KIAA1217: variants seen among roughly 807,000 people sequenced by gnomAD.
The protein encoded by KIAA1217 is sickle tail protein homolog.
A neutral mutation model predicts 163.9 loss-of-function variants in KIAA1217; 88 were observed. The observed-to-expected ratio is 0.54, with a 90% CI of 0.45 to 0.64. The LOEUF (loss-of-function observed/expected upper bound fraction) is 0.64, where lower values mean the gene tolerates loss of function less well. Among genes scored for constraint, KIAA1217 ranks in the 30% least tolerant of loss-of-function variants. The pLI, the probability that KIAA1217 is intolerant of heterozygous loss-of-function variation, is 0.00. For synonymous variants in KIAA1217, 903 were observed against 923.1 expected (o/e 0.98, Z 0.39); for missense variants, 2,372 against 2,475.0 (o/e 0.96, Z 0.88).
At chr10:24,463,123 G>A (rs2062593357) in intron 5 of KIAA1217, among the ~76,000 whole-genome samples, 2 of 152,190 alleles carry the variant, frequency 1.3e-5, no homozygotes, top group Admixed American at 6.5e-5. Context: ...GAACATGGGA[G>A]TAGCCCAGCA....
intron 1 of KIAA1217, among the ~76,000 whole-genome samples, chr10:23,830,578 A>G (rs953785136): frequency 4.0e-5 from 6 of 151,826 alleles, no homozygotes; most frequent in Admixed American, 3.3e-4. Flanking sequence ...CCTTGCAGGT[A>G]TGTGTGGCAT....
At chr10:24,277,873 T>A (rs1191374601) in intron 2 of KIAA1217, among the ~76,000 whole-genome samples, 4 of 152,248 alleles carry the variant, frequency 2.6e-5, no homozygotes, top group Non-Finnish European at 1.5e-5. Context: ...ACTCACCCTC[T>A]GACGGGCAAA....
chr10:23,872,213 C>A (rs908967407), intron 1 of KIAA1217, among the ~76,000 whole-genome samples: 1 of 151,982 alleles, frequency 6.6e-6, no homozygotes, highest in African/African-American at 2.4e-5. Context: ...AACGTCATCA[C>A]CTTGGCAAAG....
intron 3 of KIAA1217, among the ~76,000 whole-genome samples, chr10:24,429,557 C>T (rs538360580): frequency 1.4e-4 from 22 of 152,204 alleles, no homozygotes; most frequent in Non-Finnish European, 2.6e-4. Flanking sequence ...ATTGCGTCAA[C>T]TTTTTCTTCT....
chr10:23,830,464 G>A (rs149437347), intron 1 of KIAA1217, among the ~76,000 whole-genome samples: 163 of 152,188 alleles, frequency 1.1e-3, no homozygotes, highest in Non-Finnish European at 2.0e-3. Flanking sequence ...GGCCGTTGCT[G>A]TGATAAACAG....
intron 1 of KIAA1217, among the ~76,000 whole-genome samples, chr10:23,804,638 G>A (rs1292044262): frequency 6.6e-6 from 1 of 152,146 alleles, no homozygotes; most frequent in Non-Finnish European, 1.5e-5. Flanking sequence ...GTGCTGTGCT[G>A]GAGATATACA....
chr10:24,067,843 C>T (rs1048088792), intron 2 of KIAA1217, among the ~76,000 whole-genome samples: 9 of 152,294 alleles, frequency 5.9e-5, no homozygotes, highest in South Asian at 2.1e-4. Flanking sequence ...TGAGCAATGG[C>T]GGGTGCCCCT....
At chr10:24,202,085 G>T (rs2067292871) in intron 2 of KIAA1217, among the ~76,000 whole-genome samples, 2 of 152,230 alleles carry the variant, frequency 1.3e-5, no homozygotes, top group Admixed American at 1.3e-4. Flanking sequence ...TCCCGGGGGT[G>T]ACATGGAAAG....
intron 1 of KIAA1217, among the ~76,000 whole-genome samples, chr10:23,744,199 T>C (rs908097681): frequency 2.0e-5 from 3 of 152,160 alleles, no homozygotes; most frequent in African/African-American, 7.2e-5. Flanking sequence ...AGCCCCCAGC[T>C]AGCAAGGATG....
upstream of KIAA1217, among the ~76,000 whole-genome samples, chr10:24,204,191 C>T (rs950015732): frequency 1.3e-5 from 2 of 152,164 alleles, no homozygotes; most frequent in African/African-American, 2.4e-5. Flanking sequence ...TGGTGGGTGG[C>T]GAGGGGCTCC....
chr10:24,545,071 T>A lies in KIAA1217; in HGVS notation c.5302T>A (p.Ser1768Thr), dbSNP rs1157418277. 1.2e-6 allele frequency: 2 copies of A among 1,614,052 alleles called. No homozygotes were observed. Among genetic ancestry groups the A allele is most frequent in the Non-Finnish European group, 8.5e-7 (1 of 1,179,998 alleles). ...AACCCTGGACAAACCCGGCAAGCAG[T>A]CCAAACTGCAGGATCCCCGCCAATA... Reference protein sequence around the residue: ...PGTLDKPGKQSKLQDPRQYRQ... With the variant: ...PGTLDKPGKQTKLQDPRQYRQ... Residue 1768 changes from serine to threonine, a missense_variant, in exon 20 of 21, where the codon TCC (serine) becomes ACC (threonine). Ser to Thr is a moderately conservative substitution (Grantham distance 58). Transcript: ENST00000376454.
chr10:24,026,990 T>A (rs1233896302), intron 2 of KIAA1217, among the ~76,000 whole-genome samples: 1 of 152,084 alleles, frequency 6.6e-6, no homozygotes, highest in Non-Finnish European at 1.5e-5. Flanking sequence ...TTTTACAATT[T>A]TTCTTTTTTC....
At chr10:24,402,474 A>C (rs918730737) in intron 3 of KIAA1217, among the ~76,000 whole-genome samples, 3 of 147,056 alleles carry the variant, frequency 2.0e-5, no homozygotes, top group Non-Finnish European at 4.4e-5. Context: ...GCGCCACTGC[A>C]CTCCAGCCTG....
At chr10:23,841,886 G>A (rs1588926505) in intron 1 of KIAA1217, among the ~76,000 whole-genome samples, 1 of 129,138 alleles carries the variant, frequency 7.7e-6, no homozygotes, top group African/African-American at 3.1e-5. Context: ...ATTTTATTTT[G>A]AGATGGAGTC....
intron 5 of KIAA1217, among the ~76,000 whole-genome samples, chr10:24,463,401 C>G (rs1444730705): frequency 6.6e-6 from 1 of 152,230 alleles, no homozygotes; most frequent in Non-Finnish European, 1.5e-5. Context: ...ACTGGACCAT[C>G]TCTTTCCTGG....
intron 1 of KIAA1217, among the ~76,000 whole-genome samples, chr10:23,871,849 C>T (rs1481112715): frequency 2.6e-5 from 4 of 152,042 alleles, no homozygotes; most frequent in African/African-American, 9.7e-5. Flanking sequence ...AATAGCATCA[C>T]CAACGTGTCA....
chr10:24,402,993 T>C (rs1313482104), intron 3 of KIAA1217, among the ~76,000 whole-genome samples: 1 of 152,150 alleles, frequency 6.6e-6, no homozygotes, highest in African/African-American at 2.4e-5. Flanking sequence ...TAGCATATGG[T>C]ACTGAAGAAA....
chr10:24,205,092 A>T (rs189879577), upstream of KIAA1217, among the ~76,000 whole-genome samples: 326 of 152,210 alleles, frequency 2.1e-3, 3 homozygotes, highest in African/African-American at 7.6e-3. Flanking sequence ...TAAAGTGAAA[A>T]AATATTAAAT....
rs778939978 is a variant in KIAA1217, at chr10:24,524,339, C to T, written c.2473C>T (p.Leu825Phe). 1 of 1,610,070 alleles carries T rather than the reference C, an allele frequency of 6.2e-7. No homozygotes were observed. The highest frequency in any genetic ancestry group is 8.5e-7 in the Non-Finnish European group (1 of 1,176,662). ...TMLRRHVTDG[L>F]LKGTDAAQAA... ...TTCTCCTAGACATGTCACTGATGGG[C>T]TCCTGAAAGGCACGGACGCAGCCCA... is the stretch of plus-strand genomic sequence containing the variant. Residue 825 changes from leucine to phenylalanine, a missense_variant, in exon 13 of 21, where the codon CTC (leucine) becomes TTC (phenylalanine). By Grantham distance (22) the Leu-to-Phe change is conservative. Transcript: ENST00000376454.
Sources: allele counts gnomAD v4.1 joint callset (sites outside exome capture counted in the v4.1 genomes callset), GRCh38; gene constraint gnomAD v4.1.1; transcripts MANE v1.5; gene names NCBI Gene and HGNC (gene_info 2026-07-23, HGNC 2026-07-21).